Variants in EBF4 observed in about 807,000 individuals in gnomAD.
EBF4 encodes transcription factor COE4.
A neutral mutation model predicts 67.1 loss-of-function variants in EBF4; 34 were observed. The ratio of observed to expected loss-of-function variants is 0.51; its 90% CI spans 0.39 to 0.67. EBF4 has a LOEUF of 0.67. Ranked by LOEUF, EBF4 falls within the 30% of genes least tolerant of loss-of-function variation. The probability of loss-of-function intolerance (pLI) is 0.00; values close to 1 mark genes in which losing one functional copy is unlikely to be tolerated. For missense variants in EBF4, 837 were observed against 873.3 expected, an observed-to-expected ratio of 0.96 and a Z score of 0.52; for synonymous variants, 387 against 377.7, an observed-to-expected ratio of 1.02 and a Z score of -0.29.
intron 7 of EBF4, 62 bp from the exon 8 acceptor site, chr20:2,749,339 C>T (rs2146496724): frequency 7.5e-7 from 1 of 1,325,676 alleles, no homozygotes; most frequent in Non-Finnish European, 1.0e-6. Context: ...GGTTCCCCAC[C>T]ACATTCCCCT....
intron 6 of EBF4, among the ~76,000 whole-genome samples, chr20:2,713,757 G>A (rs1468738219): frequency 6.6e-6 from 1 of 152,186 alleles, no homozygotes; most frequent in Non-Finnish European, 1.5e-5. Flanking sequence ...TGAGAGTGTG[G>A]ACATCAATTC....
chr20:2,736,963 A>G (rs1172561849), intron 6 of EBF4, among the ~76,000 whole-genome samples: 1 of 152,132 alleles, frequency 6.6e-6, no homozygotes, highest in East Asian at 1.9e-4. Flanking sequence ...AAATTGGGGG[A>G]AGAGGACCGG....
rs2088146011 is a variant in EBF4, at chr20:2,751,584, G to C, written c.1019-116G>C. On this transcript the variant is annotated intron_variant, in intron 10 of 16. Coordinates refer to ENST00000609451, the Ensembl canonical transcript of EBF4. This position sits in a 1 kb window ranked among gnomAD's most constrained non-coding sequence, Gnocchi z 5.2. The stretch of plus-strand genomic sequence containing the variant: ...GGGACTTGGGCTGGGCCTGGTGGAG[G>C]GGGCTGCAGCGAGGCTCTCGGACTG... The C allele has an allele frequency of 2.9e-6, 3 of 1,035,562 alleles. No homozygotes were observed. Among genetic ancestry groups the C allele is most frequent in the East Asian group, 5.2e-5 (2 of 38,104 alleles). 64.1% of individuals were successfully genotyped at this position (1,035,562 alleles called of 1,614,324 possible). A position where few individuals can be genotyped will look rare whatever the true frequency, so the allele number is the denominator to read the frequency against.
At chr20:2,701,324 C>T (rs1335120914) in intron 1 of EBF4, among the ~76,000 whole-genome samples, 1 of 152,214 alleles carries the variant, frequency 6.6e-6, no homozygotes, top group Non-Finnish European at 1.5e-5. Context: ...CCCCAGCTGG[C>T]AGGAGACACT....
intron 10 of EBF4, 53 bp downstream of exon 10, chr20:2,750,026 C>A: frequency 1.3e-6 from 2 of 1,502,502 alleles, no homozygotes; most frequent in South Asian, 2.6e-5. Context: ...GGGAGCCCCA[C>A]CCTGCGCACT....
Position 2,752,278 on chromosome 20 carries a change from C to T in EBF4, c.1351+15C>T. On this transcript the variant is annotated intron_variant, in intron 13 of 16. Coordinates refer to ENST00000609451, the Ensembl canonical transcript of EBF4. ...GCCCGAGCCGGGTGCGTGGGCCGCG[C>T]CTCCCCGCCGTCCTCGGGCGCCGCC... is the stretch of plus-strand genomic sequence containing the variant. 2 of 1,225,850 alleles carry T rather than the reference C, an allele frequency of 1.6e-6. No homozygotes were observed. Among genetic ancestry groups the T allele is most frequent in the Non-Finnish European group, 2.0e-6 (2 of 986,370 alleles). The allele number at this position is 1,225,850 out of a possible 1,614,324, so 75.9% of individuals were successfully genotyped here.
intron 6 of EBF4, among the ~76,000 whole-genome samples, chr20:2,726,543 T>A (rs550873649): frequency 5.4e-4 from 81 of 150,988 alleles, no homozygotes; most frequent in African/African-American, 2.0e-3. Context: ...ATTGTACCAC[T>A]ACACTCTAGC....
intron 6 of EBF4, among the ~76,000 whole-genome samples, chr20:2,721,463 T>TC (rs2087679924): frequency 2.6e-5 from 4 of 152,100 alleles, no homozygotes; most frequent in Admixed American, 2.6e-4. Context: ...TCTCTAAGTT[T>TC]CTTTTTTTTT....
At position 2,751,360 on chromosome 20, in the gene EBF4, C is replaced by G. The variant is rs562583306; in HGVS notation, c.1019-340C>G. On this transcript the variant is annotated intron_variant, in intron 10 of 16. Coordinates refer to ENST00000609451, the Ensembl canonical transcript of EBF4. This position sits in a 1 kb window ranked among gnomAD's most constrained non-coding sequence, Gnocchi z 5.2. ...CAGATGAAAAGAGAAAACTCTCCAT[C>G]GAGTCCTGCCCTTAGGACTATAACT... Among the ~76,000 whole-genome samples, 1 of 152,220 alleles carries G rather than the reference C, an allele frequency of 6.6e-6. No homozygotes were observed. The highest frequency in any genetic ancestry group is 1.5e-5 in the Non-Finnish European group (1 of 68,032).
intron 1 of EBF4, among the ~76,000 whole-genome samples, chr20:2,698,773 G>A (rs2087333608): frequency 6.6e-6 from 1 of 152,160 alleles, no homozygotes; most frequent in South Asian, 2.1e-4. Flanking sequence ...CGTAGCCCTA[G>A]CATCCCAGAC....
intron 6 of EBF4, among the ~76,000 whole-genome samples, chr20:2,732,695 T>G (rs1228840119): frequency 6.6e-6 from 1 of 152,218 alleles, no homozygotes; most frequent in African/African-American, 2.4e-5. Context: ...TTTTAATCCA[T>G]TCTGCCAATC....
At chr20:2,724,493 CT>C (rs1183224052) in intron 6 of EBF4, among the ~76,000 whole-genome samples, 2 of 152,080 alleles carry the variant, frequency 1.3e-5, no homozygotes, top group Non-Finnish European at 2.9e-5. Flanking sequence ...AAATTGTGTT[CT>C]CACTTTTGTC....
chr20:2,738,836 T>G (rs1461148254), intron 6 of EBF4, among the ~76,000 whole-genome samples: 1 of 152,224 alleles, frequency 6.6e-6, no homozygotes, highest in Admixed American at 6.5e-5. Flanking sequence ...TGCATGCAAA[T>G]GCATGCAGGG....
At position 2,754,210 on chromosome 20, in the gene EBF4, G is replaced by C. The variant is rs117171261; in HGVS notation, c.1541-1417G>C. Among the ~76,000 whole-genome samples the C allele has an allele frequency of 1.8e-3, 272 of 152,242 alleles. 2 individuals carry two copies. Among genetic ancestry groups the C allele is most frequent in the East Asian group, 8.1e-3 (42 of 5,174 alleles). On this transcript the variant is annotated intron_variant, in intron 14 of 16. Transcript: ENST00000609451. ...ACCCAGGTACCCTTCCACTCCCCAC[G>C]TTCAGGGTGCTTTGTGGCCCGACTC...
chr20:2,706,400 T>C, intron 4 of EBF4, 136 bp downstream of exon 4: 1 of 990,172 alleles, frequency 1.0e-6, no homozygotes, highest in Non-Finnish European at 1.5e-6. Context: ...GCTCCCCCAG[T>C]TCCCACCCCA....
intron 6 of EBF4, among the ~76,000 whole-genome samples, chr20:2,721,569 C>T (rs2146424018): frequency 6.6e-6 from 1 of 152,206 alleles, no homozygotes; most frequent in South Asian, 2.1e-4. Flanking sequence ...ATTCTTCTGC[C>T]TCAGCCTCCC....
chr20:2,744,487 C>CTTTT lies in EBF4; in HGVS notation c.558-4061_558-4058dup, dbSNP rs778840182. Among the ~76,000 whole-genome samples the CTTTT allele has an allele frequency of 5.5e-3, 613 of 111,252 alleles. 19 individuals carry two copies. Among genetic ancestry groups the CTTTT allele is most frequent in the Middle Eastern group, 0.015 (3 of 200 alleles). 73.0% of individuals were successfully genotyped at this position (111,252 alleles called of 152,430 possible). On this transcript the variant is annotated intron_variant, in intron 6 of 16. Transcript: ENST00000609451. ...TTTTTCTTTTCTTTTTTCTTTTTTTCTTTTCTTTTTTTTTTTTTTTTTGAG... is the reference window on the plus strand; with the variant it reads ...TTTTTCTTTTCTTTTTTCTTTTTTTCTTTTTTTTCTTTTTTTTTTTTTTTTTGAG...
intron 6 of EBF4, among the ~76,000 whole-genome samples, chr20:2,722,773 GT>G (rs1405644744): frequency 6.6e-6 from 1 of 152,168 alleles, no homozygotes. Flanking sequence ...CATCTGGTAT[GT>G]TTTGTTTTGT....
At chr20:2,704,582 G>A (rs1348010404) in intron 1 of EBF4, among the ~76,000 whole-genome samples, 1 of 152,146 alleles carries the variant, frequency 6.6e-6, no homozygotes, top group Non-Finnish European at 1.5e-5. Context: ...TTCATCTGTT[G>A]AGCTCCTGTT....
Sources: allele counts gnomAD v4.1 joint callset (sites outside exome capture counted in the v4.1 genomes callset), GRCh38; gene constraint gnomAD v4.1.1; non-coding constraint Gnocchi (gnomAD v3.1); transcripts MANE v1.5; gene names NCBI Gene and HGNC (gene_info 2026-07-23, HGNC 2026-07-21).